CTTNBP2: variants seen among roughly 807,000 people sequenced by gnomAD.
CTTNBP2 encodes the protein cortactin binding protein 2.
Under a neutral mutation model 156.9 loss-of-function variants are expected in CTTNBP2, and 108 were observed. The ratio of observed to expected loss-of-function variants is 0.69; its 90% confidence interval spans 0.59 to 0.81. CTTNBP2 has a LOEUF of 0.81. Among genes scored for constraint, CTTNBP2 ranks in the 30% least tolerant of loss-of-function variants. The pLI, the probability that CTTNBP2 is intolerant of heterozygous loss-of-function variation, is 0.00. For synonymous variants in CTTNBP2, 767 were observed against 751.8 expected, an observed-to-expected ratio of 1.02 and a Z score of -0.33; for missense variants, 1,924 against 2,035.4, an observed-to-expected ratio of 0.95 and a Z score of 1.05.
chr7:117,830,666 A>C (rs999284851), intron 2 of CTTNBP2, among the ~76,000 whole-genome samples: 2 of 152,220 alleles, frequency 1.3e-5, no homozygotes, highest in South Asian at 4.1e-4. Flanking sequence ...TAGAGTCATT[A>C]AACAGCTGAC....
intron 22 of CTTNBP2, among the ~76,000 whole-genome samples, chr7:117,714,867 G>T (rs113819158): frequency 6.6e-6 from 1 of 152,190 alleles, no homozygotes; most frequent in African/African-American, 2.4e-5. Flanking sequence ...TCAAGCCTAG[G>T]GGGCAGCGGA....
At chr7:117,775,424 ACC>A (rs1176183833) in intron 8 of CTTNBP2, among the ~76,000 whole-genome samples, 5 of 151,936 alleles carry the variant, frequency 3.3e-5, no homozygotes, top group African/African-American at 1.2e-4. Flanking sequence ...TCATAAAAAC[ACC>A]AGAACTAATA....
intron 9 of CTTNBP2, among the ~76,000 whole-genome samples, chr7:117,761,552 C>T (rs1424973348): frequency 6.6e-6 from 1 of 152,158 alleles, no homozygotes; most frequent in Non-Finnish European, 1.5e-5. Context: ...ATATGAGTTA[C>T]TGTTCCTATG....
At chr7:117,744,536 A>G (rs1796208376) in intron 14 of CTTNBP2, among the ~76,000 whole-genome samples, 1 of 152,086 alleles carries the variant, frequency 6.6e-6, no homozygotes, top group African/African-American at 2.4e-5. Context: ...TTATGGTCGA[A>G]TAGCGCTCCA....
intron 14 of CTTNBP2, 80 bp downstream of exon 14, chr7:117,745,749 AAC>A: frequency 1.1e-6 from 1 of 902,028 alleles, no homozygotes; most frequent in Non-Finnish European, 1.8e-6. Context: ...ATCCCCAAGC[AAC>A]ACAGTGTATT....
intron 2 of CTTNBP2, among the ~76,000 whole-genome samples, chr7:117,856,689 A>G (rs1803342494): frequency 1.3e-5 from 2 of 152,238 alleles, no homozygotes; most frequent in African/African-American, 2.4e-5. Flanking sequence ...CATTTATCCA[A>G]TCTAAAAGGA....
At chr7:117,776,377 G>C (rs1338598960) in intron 8 of CTTNBP2, among the ~76,000 whole-genome samples, 1 of 151,956 alleles carries the variant, frequency 6.6e-6, no homozygotes, top group African/African-American at 2.4e-5. Context: ...TGATTATTTT[G>C]TTCCTTTGTA....
At chr7:117,783,198 C>T (rs957297549) in intron 5 of CTTNBP2, among the ~76,000 whole-genome samples, 2 of 151,718 alleles carry the variant, frequency 1.3e-5, no homozygotes, top group African/African-American at 2.4e-5. Flanking sequence ...TGTGTGCATG[C>T]GCATGTGCCC....
intron 22 of CTTNBP2, among the ~76,000 whole-genome samples, chr7:117,714,621 A>C (rs1265649173): frequency 6.6e-6 from 1 of 152,168 alleles, no homozygotes; most frequent in Non-Finnish European, 1.5e-5. Context: ...TCATGGTCTG[A>C]GGCAGGAAAT....
chr7:117,770,875 C>T (rs1309451165), intron 8 of CTTNBP2, among the ~76,000 whole-genome samples: 1 of 152,058 alleles, frequency 6.6e-6, no homozygotes, highest in African/African-American at 2.4e-5. Flanking sequence ...AAACTGGGCA[C>T]GATGTCCTAC....
rs1045932056 is a variant in CTTNBP2, at chr7:117,763,060, T to C, written c.2897-2350A>G. On this transcript the variant is annotated intron_variant, in intron 9 of 22. Coordinates refer to ENST00000160373, the MANE Select transcript of CTTNBP2 (RefSeq NM_033427.3). ...ATTTTAAAAGCTGAAACACACCCTT[T>C]AAATCCTCATCCCCCTTAGTCTTTT... Among the ~76,000 whole-genome samples the C allele has an allele frequency of 2.6e-5, 4 of 152,218 alleles. No individual in the cohort carries two copies. In the South Asian group the frequency reaches 8.3e-4, roughly 31 times the overall value.
intron 14 of CTTNBP2, among the ~76,000 whole-genome samples, chr7:117,740,222 T>C (rs1795919939): frequency 7.1e-6 from 1 of 139,982 alleles, no homozygotes; most frequent in African/African-American, 2.9e-5. Flanking sequence ...AATGGTCTTT[T>C]GTTCTCTATT....
rs746241505 is a variant in CTTNBP2 at position 117,735,302 on chromosome 7, G to A, written c.3655C>T (p.Arg1219Cys). ...LRDFLAPLEN[R>C]STESPCTFQK... is the part of the protein sequence containing the mutation. ...AAAGTGCAGGGGCTTTCAGTGCTGCGATTTTCAAGAGGTGCCAAAAAGTCC... is the reference window on the plus strand; with the variant it reads ...AAAGTGCAGGGGCTTTCAGTGCTGCAATTTTCAAGAGGTGCCAAAAAGTCC... The change falls in exon 15 of 23, where the codon CGC (arginine) becomes TGC (cysteine). Residue 1219 changes from arginine (R) to cysteine (C), a missense_variant. Transcript: ENST00000160373. The A allele has an allele frequency of 1.2e-5, 19 of 1,613,934 alleles. No homozygotes were observed. The highest frequency in any genetic ancestry group is 3.3e-5 in the Admixed American group (2 of 59,958).
chr7:117,712,302 A>G (rs1794104322), intron 22 of CTTNBP2: 1 of 152,368 alleles, frequency 6.6e-6, no homozygotes, highest in Admixed American at 6.5e-5. Context: ...GATCTTCCAT[A>G]CTTGGAAGCT....
intron 16 of CTTNBP2, among the ~76,000 whole-genome samples, chr7:117,728,631 A>C (rs1795235900): frequency 6.6e-6 from 1 of 152,200 alleles, no homozygotes; most frequent in Non-Finnish European, 1.5e-5. Flanking sequence ...TAATTGACAA[A>C]AATTATATAT....
Position 117,764,878 on chromosome 7 carries a change from G to A in CTTNBP2, c.2896+2181C>T, listed in dbSNP as rs182331351. On this transcript the variant is annotated intron_variant, in intron 9 of 22. Transcript: ENST00000160373. Reference sequence around the variant, plus strand: ...GCGAGGAGTAGTTTGTTGAATAAATGAAAATAATTGTGCATCTTTGTTCTT... The same window carrying A: ...GCGAGGAGTAGTTTGTTGAATAAATAAAAATAATTGTGCATCTTTGTTCTT... 6.2e-3 allele frequency among the ~76,000 whole-genome samples: 949 copies of A among 152,238 alleles called. 5 individuals carry two copies. The highest frequency in any genetic ancestry group is 0.014 in the Middle Eastern group (4 of 294).
intron 1 of CTTNBP2, among the ~76,000 whole-genome samples, chr7:117,863,313 A>G (rs1803897426): frequency 6.6e-6 from 1 of 152,242 alleles, no homozygotes; most frequent in Non-Finnish European, 1.5e-5. Flanking sequence ...GCAAGCATAA[A>G]TCATGTATAG....
intron 2 of CTTNBP2, among the ~76,000 whole-genome samples, chr7:117,833,641 T>C (rs1433599613): frequency 6.6e-6 from 1 of 152,222 alleles, no homozygotes; most frequent in Non-Finnish European, 1.5e-5. Flanking sequence ...ACGTAGATCC[T>C]CACTGAATTC....
chr7:117,803,383 C>T (rs1267128508), intron 3 of CTTNBP2, among the ~76,000 whole-genome samples: 3 of 151,904 alleles, frequency 2.0e-5, no homozygotes, highest in Non-Finnish European at 4.4e-5. Context: ...GCTGAGGACT[C>T]CAAAAGAGGG....
Sources: allele counts gnomAD v4.1 joint callset (sites outside exome capture counted in the v4.1 genomes callset), GRCh38; gene constraint gnomAD v4.1.1; transcripts MANE v1.5; gene names NCBI Gene and HGNC (gene_info 2026-07-23, HGNC 2026-07-21).